Variants in ITPR3 observed in about 807,000 individuals in gnomAD.
The protein encoded by ITPR3 is inositol 1,4,5-trisphosphate-gated calcium channel ITPR3.
Under a neutral mutation model 293.2 loss-of-function variants are expected in ITPR3, and 173 were observed. That is an observed-to-expected ratio of 0.59 (90% CI 0.52 to 0.67). The LOEUF (loss-of-function observed/expected upper bound fraction) is 0.67, where lower values mean the gene tolerates loss of function less well. Among genes scored for constraint, ITPR3 ranks in the 30% least tolerant of loss-of-function variants. ITPR3 has a pLI of 0.00. For synonymous variants in ITPR3, 1,295 were observed against 1,444.4 expected (o/e 0.90, Z 2.35); for missense variants, 2,796 against 3,592.1 (o/e 0.78, Z 5.66).
At chr6:33,686,949 AG>A (rs1765247880) in intron 43 of ITPR3, 59 bp from the exon 44 acceptor site, 2 of 1,321,000 alleles carry the variant, frequency 1.5e-6, no homozygotes, top group African/African-American at 1.4e-5. Context: ...ATGAGGGAGA[AG>A]TTGTCAGGGG....
At position 33,689,165 on chromosome 6, in the gene ITPR3, G is replaced by A. The variant is rs548416584; in HGVS notation, c.6695-73G>A. 3.1e-5 allele frequency: 47 copies of A among 1,538,720 alleles called. 1 individual carries two copies. The highest frequency in any genetic ancestry group is 4.1e-5 in the African/African-American group (3 of 73,156). ...GGCGGCCAGGAGAAGGTGGCTTTTC[G>A]GCACCTGTTGGACCTGCTCTGGGGC... On this transcript the variant is annotated intron_variant, in intron 49 of 57. Transcript: ENST00000605930.
intron 16 of ITPR3, 47 bp downstream of exon 16, chr6:33,668,011 C>T (rs767847090): frequency 6.2e-7 from 1 of 1,600,466 alleles, no homozygotes; most frequent in Non-Finnish European, 8.5e-7. Flanking sequence ...CTCCCTCCTC[C>T]CTTGCCTGGG....
At chr6:33,685,894 G>C in intron 41 of ITPR3, 67 bp downstream of exon 41, 1 of 1,540,172 alleles carries the variant, frequency 6.5e-7, no homozygotes, top group Non-Finnish European at 8.8e-7. Context: ...TAGGCAGTGT[G>C]GCTGGTGTCC....
intron 2 of ITPR3, among the ~76,000 whole-genome samples, chr6:33,651,537 C>G (rs1040021136): frequency 1.3e-5 from 2 of 152,186 alleles, no homozygotes; most frequent in African/African-American, 4.8e-5. Context: ...CTTCTGTTGA[C>G]CCCTCACCTT....
chr6:33,663,549 T>C lies in ITPR3; in HGVS notation c.1004T>C (p.Met335Thr). The change falls in exon 10 of 58, where the codon ATG becomes ACG. Residue 335 changes from methionine (M) to threonine (T), a missense_variant and splice_region_variant. Met to Thr is a moderately conservative substitution (Grantham distance 81). Coordinates refer to ENST00000605930, the MANE Select transcript of ITPR3 (RefSeq NM_002224.4). ...GDASDPKAAG[M>T]GAQGRTGRRN... ...GCCTCAGATCCCAAGGCAGCAGGAA[T>C]GGTGAGGAGCAAAGCAGGTCTCCAG... 6.2e-7 allele frequency: 1 copy of C among 1,605,238 alleles called. No homozygotes were observed. Among genetic ancestry groups the C allele is most frequent in the Non-Finnish European group, 8.5e-7 (1 of 1,175,560 alleles).
In ITPR3 at chr6:33,692,133, T is replaced by C. The variant is rs1472653432; in HGVS notation, c.7458+205T>C. Among the ~76,000 whole-genome samples, 3 of 152,230 alleles carry C rather than the reference T, an allele frequency of 2.0e-5. No homozygotes were observed. The highest frequency in any genetic ancestry group is 4.4e-5 in the Non-Finnish European group (3 of 68,040). On this transcript the variant is annotated intron_variant, in intron 54 of 57. Transcript: ENST00000605930. This position sits in a 1 kb window ranked among gnomAD's most constrained non-coding sequence, Gnocchi z 4.2. ...GCTGCCCCCTCACCCTCCCATTCCA[T>C]AAGGAAAGACTTTGGCAACCAAACT... is the stretch of plus-strand genomic sequence containing the variant.
rs939164958 is a variant in ITPR3, at chr6:33,672,810, A to G, written c.2928+582A>G. Among the ~76,000 whole-genome samples, 6 of 152,106 alleles carry G rather than the reference A, an allele frequency of 3.9e-5. No individual in the cohort carries two copies. The highest frequency in any genetic ancestry group is 8.8e-5 in the Non-Finnish European group (6 of 68,016). ...GTCACAGGGATTTTGAAGCAGAGCTAGAGATTTAAGAACCTATTTCTTGGC... is the reference window on the plus strand; with the variant it reads ...GTCACAGGGATTTTGAAGCAGAGCTGGAGATTTAAGAACCTATTTCTTGGC... On this transcript the variant is annotated intron_variant, in intron 22 of 57. Coordinates refer to ENST00000605930, the MANE Select transcript of ITPR3 (RefSeq NM_002224.4). The surrounding 1 kb of genome is among the most constrained non-coding windows in gnomAD (Gnocchi z 5.0).
At chr6:33,663,310 T>G (rs996879710) in intron 9 of ITPR3, among the ~76,000 whole-genome samples, 190 bp from the exon 10 acceptor site, 1 of 152,192 alleles carries the variant, frequency 6.6e-6, no homozygotes, top group Non-Finnish European at 1.5e-5. Context: ...TGTGTATGTG[T>G]GTATGTTCAT....
chr6:33,684,158 T>G lies in ITPR3; in HGVS notation c.4927T>G (p.Phe1643Val). ...EAYQRCESGG[F>V]LSKLIQHTKD... ...CTACCAGCGCTGCGAGAGTGGGGGC[T>G]TCCTGTCCAAGTGAGCGAGACACTG... is the stretch of plus-strand genomic sequence containing the variant. The change falls in exon 36 of 58, where the codon TTC becomes GTC. Residue 1643 changes from phenylalanine to valine, a missense_variant. Coordinates refer to ENST00000605930, the MANE Select transcript of ITPR3 (RefSeq NM_002224.4). The surrounding 1 kb of genome is among the most constrained non-coding windows in gnomAD (Gnocchi z 4.2). The G allele has an allele frequency of 6.2e-7, 1 of 1,610,706 alleles. No homozygotes were observed. Among genetic ancestry groups the G allele is most frequent in the Non-Finnish European group, 8.5e-7 (1 of 1,179,784 alleles).
intron 56 of ITPR3, 28 bp downstream of exon 56, chr6:33,693,733 T>G (rs753711040): frequency 6.2e-7 from 1 of 1,610,120 alleles, no homozygotes; most frequent in Non-Finnish European, 8.5e-7. Context: ...GCCAGGCCTG[T>G]GGGCCCAAAC....
intron 56 of ITPR3, 130 bp downstream of exon 56, chr6:33,693,835 C>A: frequency 2.7e-6 from 3 of 1,101,818 alleles, no homozygotes; most frequent in Non-Finnish European, 3.9e-6. Context: ...CCCTATCTGA[C>A]TGTTGGCCCT....
At chr6:33,663,673 T>A in intron 10 of ITPR3, 65 bp from the exon 11 acceptor site, 1 of 1,608,926 alleles carries the variant, frequency 6.2e-7, no homozygotes. Flanking sequence ...TCAGGTGGGA[T>A]CCCAGGTGCT....
At chr6:33,688,535 C>T in intron 48 of ITPR3, 104 bp downstream of exon 48, 2 of 1,516,536 alleles carry the variant, frequency 1.3e-6, no homozygotes, top group South Asian at 1.3e-5. Flanking sequence ...CGCCCAACCC[C>T]GCCTCACCCC....
intron 2 of ITPR3, among the ~76,000 whole-genome samples, chr6:33,641,611 C>A (rs1286090409): frequency 6.6e-6 from 1 of 152,040 alleles, no homozygotes; most frequent in Non-Finnish European, 1.5e-5. Flanking sequence ...CGAACCGCAC[C>A]ACCATAAGGC....
chr6:33,624,820 T>A lies in ITPR3; in HGVS notation c.89+3129T>A, dbSNP rs1256435209. Among the ~76,000 whole-genome samples, 1 of 151,966 alleles carries A rather than the reference T, an allele frequency of 6.6e-6. No homozygotes were observed. The highest frequency in any genetic ancestry group is 2.4e-5 in the African/African-American group (1 of 41,356). On this transcript the variant is annotated intron_variant, in intron 1 of 57. Coordinates refer to ENST00000605930, the MANE Select transcript of ITPR3 (RefSeq NM_002224.4). This position sits in a 1 kb window ranked among gnomAD's most constrained non-coding sequence, Gnocchi z 4.7. The stretch of plus-strand genomic sequence containing the variant: ...CTGGGAGATGGGAAGGGGGCATTAG[T>A]TGGGGAGGGAGGCAGAGGCAGCATT...
Position 33,667,414 on chromosome 6 carries a change from C to G in ITPR3, c.1713+124C>G. ...GCCTAGGGTCCAGTAGGGCACCAGA[C>G]AGCAGGGCCGGGTTCATGGGAATGG... On this transcript the variant is annotated intron_variant, in intron 15 of 57. Transcript: ENST00000605930. The surrounding 1 kb of genome is among the most constrained non-coding windows in gnomAD (Gnocchi z 4.4). 3.9e-6 allele frequency: 5 copies of G among 1,283,738 alleles called. No homozygotes were observed. The highest frequency in any genetic ancestry group is 5.3e-6 in the Non-Finnish European group (5 of 949,820). 79.5% of individuals were successfully genotyped at this position (1,283,738 alleles called of 1,614,324 possible).
In ITPR3 at chr6:33,633,551, G is replaced by T. The variant is rs76952732; in HGVS notation, c.90-6933G>T. 0.015 allele frequency among the ~76,000 whole-genome samples: 2,325 copies of T among 152,070 alleles called. 62 individuals carry two copies. Among genetic ancestry groups the T allele is most frequent in the East Asian group, 0.1 (514 of 5,150 alleles). ...GGCCGCCCTCCGCGGGCAGACGAGC[G>T]GGGGAGAGCAGGAAAGCGCGGGCGC... On this transcript the variant is annotated intron_variant, in intron 1 of 57. Transcript: ENST00000605930. The surrounding 1 kb of genome is among the most constrained non-coding windows in gnomAD (Gnocchi z 5.2).
chr6:33,687,617 G>A lies in ITPR3; in HGVS notation c.6264+53G>A. On this transcript the variant is annotated intron_variant, in intron 46 of 57. Transcript: ENST00000605930. This position sits in a 1 kb window ranked among gnomAD's most constrained non-coding sequence, Gnocchi z 5.3. The stretch of plus-strand genomic sequence containing the variant: ...GGGGTGGGGCCTGGAACCCAGGGAG[G>A]ACACTTGACCCAAGGGCGTGGCCTG... 1 of 1,440,080 alleles carries A rather than the reference G, an allele frequency of 6.9e-7. No homozygotes were observed. 89.2% of individuals were successfully genotyped at this position (1,440,080 alleles called of 1,614,324 possible). A position where few individuals can be genotyped will look rare whatever the true frequency, so the allele number is the denominator to read the frequency against.
Position 33,680,064 on chromosome 6 carries a change from C to T in ITPR3, c.4155C>T (p.Ile1385=), listed in dbSNP as rs774007694. Residue 1385 remains isoleucine, a synonymous_variant, in exon 31 of 58, where the codon ATC becomes ATT. Coordinates refer to ENST00000605930, the MANE Select transcript of ITPR3 (RefSeq NM_002224.4). The stretch of plus-strand genomic sequence containing the variant: ...AGGGCAAAAACGTCTACACTGAGAT[C>T]AAGTGCACCTCCCTGCTGCCGCTGG... ...CAEGKNVYTE[I]KCTSLLPLED... 1.9e-5 allele frequency: 30 copies of T among 1,613,678 alleles called. No individual in the cohort carries two copies. Among genetic ancestry groups the T allele is most frequent in the Non-Finnish European group, 2.5e-5 (29 of 1,180,032 alleles).
Sources: allele counts gnomAD v4.1 joint callset (sites outside exome capture counted in the v4.1 genomes callset), GRCh38; gene constraint gnomAD v4.1.1; non-coding constraint Gnocchi (gnomAD v3.1); transcripts MANE v1.5; gene names NCBI Gene and HGNC (gene_info 2026-07-23, HGNC 2026-07-21).